The following NTF3 variants were observed in gnomAD, a reference collection of about 807,000 sequenced individuals.
NTF3 encodes the protein neurotrophin-3.
In NTF3, 8 loss-of-function variants were observed where a neutral mutation model predicts 26.3. The observed-to-expected ratio is 0.30, with a 90% CI of 0.18 to 0.55. The LOEUF (loss-of-function observed/expected upper bound fraction) is 0.55. NTF3 is among the 20% of genes least tolerant of loss of function. NTF3 has a pLI of 0.93. For synonymous variants in NTF3, 154 were observed against 145.5 expected (o/e 1.06, Z -0.42); for missense variants, 276 against 352.9 (o/e 0.78, Z 1.75).
chr12:5,434,475 G>GTGTGTGTGTGTT (rs1368269623), intron 1 of NTF3, among the ~76,000 whole-genome samples: 3 of 138,974 alleles, frequency 2.2e-5, no homozygotes, highest in African/African-American at 7.9e-5. Context: ...TTTCCAAAGT[G>GTGTGTGTGTGTT]TGTGTGTGTG....
intron 1 of NTF3, among the ~76,000 whole-genome samples, chr12:5,472,078 C>T (rs1269358823): frequency 1.3e-5 from 2 of 152,102 alleles, no homozygotes; most frequent in Non-Finnish European, 2.9e-5. Context: ...GTGTATTTGG[C>T]CAATGGTAAG....
rs536756192 is a variant in NTF3 at position 5,470,997 on chromosome 12, T to G, written c.19-23197T>G. Reference sequence around the variant, plus strand: ...GCTCCTTTCCTTCCCACCCTTCCTTTTGGCAATGCAAGTTTCCATTCATTT... The same window carrying G: ...GCTCCTTTCCTTCCCACCCTTCCTTGTGGCAATGCAAGTTTCCATTCATTT... On this transcript the variant is annotated intron_variant, in intron 1 of 1. Coordinates refer to ENST00000423158, the MANE Select transcript of NTF3 (RefSeq NM_001102654.2). Among the ~76,000 whole-genome samples, 27 of 151,548 alleles carry G rather than the reference T, an allele frequency of 1.8e-4. 1 individual carries two copies. In the South Asian group the frequency reaches 5.0e-3, roughly 28 times the overall value.
At chr12:5,479,252 A>G (rs546466555) in intron 1 of NTF3, among the ~76,000 whole-genome samples, 3 of 152,342 alleles carry the variant, frequency 2.0e-5, no homozygotes, top group African/African-American at 7.2e-5. Context: ...AGAGAAGTGG[A>G]TGCAGAACTT....
chr12:5,441,481 G>C (rs1940235500), intron 1 of NTF3, among the ~76,000 whole-genome samples: 1 of 125,956 alleles, frequency 7.9e-6, no homozygotes, highest in Non-Finnish European at 1.8e-5. Flanking sequence ...GCTTAACCTG[G>C]GATATTTGCT....
intron 1 of NTF3, among the ~76,000 whole-genome samples, chr12:5,438,073 G>A (rs1186680143): frequency 6.6e-6 from 1 of 151,882 alleles, no homozygotes; most frequent in African/African-American, 2.4e-5. Context: ...TTTTATATGG[G>A]CATGTTGAAC....
At chr12:5,491,109 C>T (rs1940931081) in intron 1 of NTF3, among the ~76,000 whole-genome samples, 1 of 152,220 alleles carries the variant, frequency 6.6e-6, no homozygotes, top group African/African-American at 2.4e-5. Context: ...ATGCCCCCGT[C>T]ACTCTCTGCC....
intron 1 of NTF3, among the ~76,000 whole-genome samples, chr12:5,454,956 A>G (rs1187176792): frequency 1.3e-5 from 2 of 152,082 alleles, no homozygotes; most frequent in Non-Finnish European, 2.9e-5. Flanking sequence ...TGGCCTAGGT[A>G]TTTACCTTCT....
At chr12:5,448,163 G>A (rs1367143152) in intron 1 of NTF3, among the ~76,000 whole-genome samples, 2 of 152,168 alleles carry the variant, frequency 1.3e-5, no homozygotes, top group Non-Finnish European at 2.9e-5. Context: ...AATAGATTCC[G>A]CTACCACAAT....
At chr12:5,468,445 GT>G (rs1940619335) in intron 1 of NTF3, among the ~76,000 whole-genome samples, 1 of 152,104 alleles carries the variant, frequency 6.6e-6, no homozygotes, top group African/African-American at 2.4e-5. Context: ...TAATGGAGTT[GT>G]ATCCAGCGAG....
chr12:5,490,318 G>A (rs999052915), intron 1 of NTF3, among the ~76,000 whole-genome samples: 2 of 152,228 alleles, frequency 1.3e-5, no homozygotes, highest in Non-Finnish European at 2.9e-5. Context: ...AAAGTCCGCA[G>A]CGTGTCCAGC....
At chr12:5,480,388 C>T (rs1313479193) in intron 1 of NTF3, among the ~76,000 whole-genome samples, 1 of 152,126 alleles carries the variant, frequency 6.6e-6, no homozygotes, top group Admixed American at 6.5e-5. Flanking sequence ...CAATAGAATG[C>T]TGTGTTGCCT....
intron 1 of NTF3, among the ~76,000 whole-genome samples, chr12:5,471,070 A>T (rs1170539090): frequency 6.6e-6 from 1 of 152,064 alleles, no homozygotes; most frequent in African/African-American, 2.4e-5. Context: ...AGATCTTACA[A>T]TAAACATTTG....
intron 1 of NTF3, among the ~76,000 whole-genome samples, chr12:5,471,525 A>C (rs1225788765): frequency 6.6e-6 from 1 of 152,180 alleles, no homozygotes; most frequent in Non-Finnish European, 1.5e-5. Context: ...CCTCACCTGG[A>C]GCGTCTCAGG....
intron 1 of NTF3, among the ~76,000 whole-genome samples, chr12:5,451,966 T>G (rs746683574): frequency 6.6e-6 from 1 of 152,200 alleles, no homozygotes; most frequent in Non-Finnish European, 1.5e-5. Flanking sequence ...GTGCTGGGAT[T>G]ACAGGCGTGA....
Position 5,432,337 on chromosome 12 carries a change from G to C in NTF3, c.13G>C (p.Ala5Pro), listed in dbSNP as rs779486909. 6 of 1,612,942 alleles carry C rather than the reference G, an allele frequency of 3.7e-6. No homozygotes were observed. Among genetic ancestry groups the C allele is most frequent in the East Asian group, 2.2e-5 (1 of 44,812 alleles). MVTFATILQVNKVMS... is the reference protein window; with the variant it reads MVTFPTILQVNKVMS... ...CCACACGGATGCCATGGTTACTTTT[G>C]CCACGGTAAGGGGAGGCGGCGGGCA... The change falls in exon 1 of 2, where the codon GCC becomes CCC. Residue 5 changes from alanine (A) to proline (P), a missense_variant. Ala to Pro is a conservative substitution (Grantham distance 27). This residue lies in a region of NTF3 where 221 missense variants were observed against 258.2 expected (regional missense o/e 0.86). Transcript: ENST00000423158.
intron 1 of NTF3, among the ~76,000 whole-genome samples, chr12:5,492,365 A>G (rs1311343072): frequency 2.0e-5 from 3 of 152,228 alleles, no homozygotes; most frequent in Non-Finnish European, 4.4e-5. Context: ...TTGTTTTTCA[A>G]TAGACTCTCA....
chr12:5,481,126 C>T (rs1008782054), intron 1 of NTF3, among the ~76,000 whole-genome samples: 1 of 152,084 alleles, frequency 6.6e-6, no homozygotes, highest in African/African-American at 2.4e-5. Context: ...TGGCTTTAGA[C>T]CCCTGTGGAC....
chr12:5,493,568 G>A (rs138415678), intron 1 of NTF3, among the ~76,000 whole-genome samples: 14 of 152,134 alleles, frequency 9.2e-5, no homozygotes, highest in Admixed American at 2.6e-4. Flanking sequence ...ACCCTGGAAC[G>A]TAGGCCCTCT....
At chr12:5,467,228 C>CAAAAA (rs60794349) in intron 1 of NTF3, among the ~76,000 whole-genome samples, 907 of 49,574 alleles carry the variant, frequency 0.018, 111 homozygotes, top group Non-Finnish European at 0.024. Flanking sequence ...GACTCCGTCT[C>CAAAAA]AAAAAAAAAA....
Sources: allele counts gnomAD v4.1 joint callset (sites outside exome capture counted in the v4.1 genomes callset), GRCh38; gene constraint gnomAD v4.1.1; regional missense constraint gnomAD v4.1.1; transcripts MANE v1.5; gene names NCBI Gene and HGNC (gene_info 2026-07-23, HGNC 2026-07-21).